The following GART variants were observed in gnomAD, a reference collection of about 807,000 sequenced individuals.
GART encodes the protein phosphoribosylglycinamide formyltransferase, phosphoribosylglycinamide synthetase, phosphoribosylaminoimidazole synthetase, also known as trifunctional purine biosynthetic protein adenosine-3.
A neutral mutation model predicts 107.2 loss-of-function variants in GART; 43 were observed. The ratio of observed to expected loss-of-function variants is 0.40; its 90% CI spans 0.31 to 0.52. GART has a LOEUF of 0.52. Ranked by LOEUF, GART falls within the 20% of genes least tolerant of loss-of-function variation. The probability of loss-of-function intolerance (pLI) is 0.52; values close to 1 mark genes in which losing one functional copy is unlikely to be tolerated. For synonymous variants in GART, 434 were observed against 427.0 expected (o/e 1.02, Z -0.20); for missense variants, 1,107 against 1,206.5 (o/e 0.92, Z 1.22).
Position 33,534,769 on chromosome 21 carries a change from G to T in GART, c.242-16C>A. ...CCAACAATCCCTATTGATGAAAACA[G>T]TAGCCTTAGGTGAACCAAGGTCTCC... On this transcript the variant is annotated splice_polypyrimidine_tract_variant and intron_variant, in intron 3 of 21. Coordinates refer to ENST00000381815, the MANE Select transcript of GART (RefSeq NM_000819.5). The T allele has an allele frequency of 1.3e-6, 2 of 1,538,546 alleles. No homozygotes were observed. Among genetic ancestry groups the T allele is most frequent in the Non-Finnish European group, 1.7e-6 (2 of 1,148,146 alleles).
chr21:33,519,856 A>G (rs2409495), intron 14 of GART, among the ~76,000 whole-genome samples: 130,807 of 150,624 alleles, frequency 0.87, 57,205 homozygotes, highest in East Asian at 0.99. Context: ...AAAAGAGGTT[A>G]TTTTGTTCCT....
At chr21:33,525,255 A>T (rs2085051151) in intron 10 of GART, among the ~76,000 whole-genome samples, 1 of 152,050 alleles carries the variant, frequency 6.6e-6, no homozygotes, top group African/African-American at 2.4e-5. Context: ...ATAATAGCCA[A>T]GTGTGGCGGC....
chr21:33,521,041 G>A, intron 12 of GART, 26 bp from the exon 13 acceptor site: 1 of 1,540,674 alleles, frequency 6.5e-7, no homozygotes, highest in South Asian at 1.1e-5. Flanking sequence ...TTAATTACTT[G>A]CTACATTTTA....
At position 33,517,077 on chromosome 21, in the gene GART, T is replaced by C; in HGVS notation, c.2019A>G (p.Gly673=). 6.2e-7 allele frequency: 1 copy of C among 1,614,002 alleles called. No homozygotes were observed. Among genetic ancestry groups the C allele is most frequent in the Non-Finnish European group, 8.5e-7 (1 of 1,179,914 alleles). ...TAATATGGGCAAAGGCTTTGACATG[T>C]CCTGAACGTAGGACAGGTAACAGTG... is the stretch of plus-strand genomic sequence containing the variant. The part of the protein sequence containing the change: ...SHSLLPVLRS[G]HVKAFAHITG... The change falls in exon 16 of 22, where the codon GGA becomes GGG. Residue 673 remains glycine, a synonymous_variant. Coordinates refer to ENST00000381815, the MANE Select transcript of GART (RefSeq NM_000819.5).
intron 16 of GART, among the ~76,000 whole-genome samples, chr21:33,516,069 G>A (rs541457701): frequency 6.6e-6 from 1 of 151,802 alleles, no homozygotes; most frequent in Admixed American, 6.6e-5. Flanking sequence ...CCAACAAGGT[G>A]AAACCCTGTC....
In GART at chr21:33,541,151, T is replaced by G. The variant is rs76234436; in HGVS notation, c.-42+914A>C. 8.9e-3 allele frequency among the ~76,000 whole-genome samples: 1,356 copies of G among 152,312 alleles called. 30 individuals carry two copies. The highest frequency in any genetic ancestry group is 0.032 in the African/African-American group (1,314 of 41,562). On this transcript the variant is annotated intron_variant, in intron 1 of 21. Coordinates refer to ENST00000381815, the MANE Select transcript of GART (RefSeq NM_000819.5). ...ATAAACAGATTTTTTATTTTATTTA[T>G]TTATTTATTTGTTTAGACAGTCTCT...
In GART at chr21:33,528,148, C is replaced by T; in HGVS notation, c.1066+19G>A. 6.2e-7 allele frequency: 1 copy of T among 1,611,708 alleles called. No homozygotes were observed. Among genetic ancestry groups the T allele is most frequent in the African/African-American group, 1.3e-5 (1 of 74,962 alleles). ...CACTTGTCACGTTGTACTCCAACCT[C>T]TTGCTCCCTGACACTCACCTGTTAT... On this transcript the variant is annotated intron_variant, in intron 10 of 21. Transcript: ENST00000381815.
intron 11 of GART, chr21:33,524,511 T>TA (rs1198626710): frequency 2.2e-5 from 22 of 1,001,382 alleles, no homozygotes; most frequent in African/African-American, 5.1e-5. Flanking sequence ...AAATATAAAA[T>TA]AAAAAAAATA....
At position 33,524,853 on chromosome 21, in the gene GART, T is replaced by C; in HGVS notation, c.1214A>G (p.Lys405Arg). The change falls in exon 11 of 22, where the codon AAA (lysine) becomes AGA (arginine). Residue 405 changes from lysine to arginine, a missense_variant. Transcript: ENST00000381815. Reference protein sequence around the residue: ...NLISALEEAKKGLAAIKFEGA... With the variant: ...NLISALEEAKRGLAAIKFEGA... ...CTCAAACTTTATAGCAGCTAGTCCT[T>C]TCTTGGCTTCCTCAAGGGCTGATAT... is the stretch of plus-strand genomic sequence containing the variant. The C allele has an allele frequency of 6.2e-7, 1 of 1,614,198 alleles. No individual in the cohort carries two copies. Among genetic ancestry groups the C allele is most frequent in the South Asian group, 1.1e-5 (1 of 91,088 alleles).
intron 7 of GART, 28 bp from the exon 8 acceptor site, chr21:33,528,965 G>GT (rs770483385): frequency 1.5e-5 from 21 of 1,447,488 alleles, no homozygotes; most frequent in Middle Eastern, 1.8e-4. Flanking sequence ...ACAGTTAAAT[G>GT]TAACAGGTAA....
chr21:33,533,449 A>T (rs1342097819), intron 4 of GART, among the ~76,000 whole-genome samples: 2 of 149,428 alleles, frequency 1.3e-5, no homozygotes, highest in African/African-American at 4.9e-5. Flanking sequence ...AAAAAAAAAA[A>T]AATAAATAAA....
rs550391248 is a variant in GART at position 33,506,220 on chromosome 21, T to C, written c.2453-116A>G. 1.8e-5 allele frequency: 20 copies of C among 1,129,454 alleles called. No individual in the cohort carries two copies. The East Asian group carries it at 5.5e-4, about 31-fold the overall frequency. 70.0% of individuals were successfully genotyped at this position (1,129,454 alleles called of 1,614,324 possible). ...GTGCAGTGCCACGATCTGGGTTCAC[T>C]GCAACCTCCACCTCCCGGGTTCAAG... On this transcript the variant is annotated intron_variant, in intron 18 of 21. Transcript: ENST00000381815.
Position 33,517,482 on chromosome 21 carries a change from A to C in GART, c.1829T>G (p.Val610Gly). 6.2e-7 allele frequency: 1 copy of C among 1,614,136 alleles called. No homozygotes were observed. Among genetic ancestry groups the C allele is most frequent in the Non-Finnish European group, 8.5e-7 (1 of 1,180,034 alleles). The change falls in exon 15 of 22, where the codon GTT becomes GGT. Residue 610 changes from valine (V) to glycine (G), a missense_variant. Val to Gly is a moderately radical substitution (Grantham distance 109). Transcript: ENST00000381815. ...PHLERITEGD[V>G]VVGIASSGLH... ...ACCAGATGAAGCTATTCCAACAACA[A>C]CATCACCCTCAGTGATTCTTTCCAG...
At chr21:33,536,124 CA>C (rs2085300557) in intron 2 of GART, among the ~76,000 whole-genome samples, 1 of 151,746 alleles carries the variant, frequency 6.6e-6, no homozygotes, top group African/African-American at 2.4e-5. Context: ...AACATACAAA[CA>C]AAAAAACAGC....
In GART at chr21:33,517,463, T is replaced by A. The variant is rs954750300; in HGVS notation, c.1848A>T (p.Ser616=). The stretch of plus-strand genomic sequence containing the variant: ...TAAATCCATTGCTATGAAGACCAGA[T>A]GAAGCTATTCCAACAACAACATCAC... The part of the protein sequence containing the change: ...TEGDVVVGIA[S]SGLHSNGFSL... Residue 616 remains serine (S), a synonymous_variant, in exon 15 of 22, where the codon TCA becomes TCT. Transcript: ENST00000381815. The A allele has an allele frequency of 1.2e-6, 2 of 1,614,168 alleles. No homozygotes were observed. Among genetic ancestry groups the A allele is most frequent in the Non-Finnish European group, 8.5e-7 (1 of 1,180,042 alleles).
intron 2 of GART, among the ~76,000 whole-genome samples, chr21:33,537,514 C>T (rs2085327608): frequency 6.6e-6 from 1 of 152,106 alleles, no homozygotes; most frequent in African/African-American, 2.4e-5. Flanking sequence ...ACATAGAAGA[C>T]AGACAATAGT....
Position 33,515,270 on chromosome 21 carries a change from C to A in GART, c.2107+1719G>T, listed in dbSNP as rs534885224. 1.7e-4 allele frequency among the ~76,000 whole-genome samples: 26 copies of A among 152,292 alleles called. No individual in the cohort carries two copies. The South Asian group carries it at 5.2e-3, about 30-fold the overall frequency. ...AGAAGTTATTTTATGTAAACTCCCT[C>A]AGTTTCTACTCCTTCAAATCAATGT... On this transcript the variant is annotated intron_variant, in intron 16 of 21. Transcript: ENST00000381815.
intron 16 of GART, 61 bp downstream of exon 16, chr21:33,516,928 C>A (rs931873757): frequency 1.4e-6 from 2 of 1,424,276 alleles, no homozygotes; most frequent in Non-Finnish European, 1.9e-6. Flanking sequence ...ATAGTTTTCT[C>A]GCACAATGCA....
rs762530625 is a variant in GART, at chr21:33,520,953, C to G, written c.1456G>C (p.Asp486His). The G allele has an allele frequency of 6.2e-7, 1 of 1,614,086 alleles. No individual in the cohort carries two copies. Among genetic ancestry groups the G allele is most frequent in the Non-Finnish European group, 8.5e-7 (1 of 1,179,996 alleles). The change falls in exon 13 of 22, where the codon GAT becomes CAT. Residue 486 changes from aspartate (D) to histidine (H), a missense_variant. Asp to His is a moderately conservative substitution (Grantham distance 81). Transcript: ENST00000381815. ...LFDLKAAGFK[D>H]PLLASGTDGV... ...TCTGTTCCAGAGGCCAGAAGGGGAT[C>G]TTTGAAACCAGCTGCTTTTAAATCA...
Sources: allele counts gnomAD v4.1 joint callset (sites outside exome capture counted in the v4.1 genomes callset), GRCh38; gene constraint gnomAD v4.1.1; transcripts MANE v1.5; gene names NCBI Gene and HGNC (gene_info 2026-07-23, HGNC 2026-07-21).